The following PCDH9 variants were observed in gnomAD, a reference collection of about 807,000 sequenced individuals.
PCDH9 encodes the protein protocadherin-9.
A neutral mutation model predicts 70.6 loss-of-function variants in PCDH9; 24 were observed. The observed-to-expected ratio is 0.34, with a 90% CI of 0.25 to 0.48. The LOEUF is 0.48. PCDH9 is among the 20% of genes least tolerant of loss of function. The pLI is 0.99. For synonymous variants in PCDH9, 562 were observed against 558.5 expected, an observed-to-expected ratio of 1.01 and a Z score of -0.09; for missense variants, 1,281 against 1,503.6, an observed-to-expected ratio of 0.85 and a Z score of 2.45.
chr13:67,156,243 A>C (rs1441153015), intron 2 of PCDH9, among the ~76,000 whole-genome samples: 1 of 152,144 alleles, frequency 6.6e-6, no homozygotes, highest in Non-Finnish European at 1.5e-5. Flanking sequence ...AGACTCTAGC[A>C]AGGCAAAGAC....
intron 4 of PCDH9, among the ~76,000 whole-genome samples, chr13:66,493,934 T>G (rs1959073441): frequency 6.6e-6 from 1 of 152,070 alleles, no homozygotes; most frequent in African/African-American, 2.4e-5. Flanking sequence ...ATAAAATAAT[T>G]ATGACAATAT....
At chr13:66,885,478 A>G (rs926463831) in intron 3 of PCDH9, among the ~76,000 whole-genome samples, 1 of 152,216 alleles carries the variant, frequency 6.6e-6, no homozygotes, top group Non-Finnish European at 1.5e-5. Context: ...GTTATTCTGT[A>G]TTAAATGTAC....
At chr13:66,655,541 T>C (rs1005936800) in intron 3 of PCDH9, among the ~76,000 whole-genome samples, 2 of 152,056 alleles carry the variant, frequency 1.3e-5, no homozygotes, top group Non-Finnish European at 2.9e-5. Context: ...TAACTATATT[T>C]TTAAAATTAT....
intron 3 of PCDH9, among the ~76,000 whole-genome samples, chr13:66,642,208 T>G (rs554922100): frequency 6.6e-6 from 1 of 152,076 alleles, no homozygotes; most frequent in Non-Finnish European, 1.5e-5. Flanking sequence ...TTGTCAAACA[T>G]ATCTGAGATC....
intron 2 of PCDH9, among the ~76,000 whole-genome samples, chr13:67,085,292 A>G (rs1233501422): frequency 6.6e-6 from 1 of 151,862 alleles, no homozygotes; most frequent in Non-Finnish European, 1.5e-5. Context: ...TATAATCTCT[A>G]CAGGAAGCAA....
intron 2 of PCDH9, among the ~76,000 whole-genome samples, chr13:67,149,126 T>C (rs1751100796): frequency 1.3e-5 from 2 of 152,194 alleles, no homozygotes; most frequent in South Asian, 4.1e-4. Context: ...ATGCCAATGA[T>C]ATTGTAGGTC....
chr13:66,544,984 G>T (rs1961123305), intron 4 of PCDH9, among the ~76,000 whole-genome samples: 1 of 152,084 alleles, frequency 6.6e-6, no homozygotes, highest in Non-Finnish European at 1.5e-5. Context: ...TTTTATTCAG[G>T]CTGATCTAAT....
At chr13:66,345,574 G>T (rs1268815439) in intron 4 of PCDH9, among the ~76,000 whole-genome samples, 1 of 152,124 alleles carries the variant, frequency 6.6e-6, no homozygotes, top group Non-Finnish European at 1.5e-5. Flanking sequence ...GCGGCATGCT[G>T]ATTAATCAGT....
At chr13:66,327,948 C>T (rs1478102542) in intron 4 of PCDH9, among the ~76,000 whole-genome samples, 3 of 152,242 alleles carry the variant, frequency 2.0e-5, no homozygotes, top group Admixed American at 2.0e-4. Context: ...TCTCCACAAT[C>T]CTTGGGACTG....
intron 3 of PCDH9, among the ~76,000 whole-genome samples, chr13:66,781,421 T>C (rs1209049651): frequency 6.6e-6 from 1 of 152,116 alleles, no homozygotes; most frequent in African/African-American, 2.4e-5. Flanking sequence ...CAGATGGAAG[T>C]TCCTGAATGC....
intron 2 of PCDH9, among the ~76,000 whole-genome samples, chr13:67,130,619 C>T (rs984066512): frequency 6.6e-6 from 1 of 151,982 alleles, no homozygotes; most frequent in African/African-American, 2.4e-5. Flanking sequence ...TCTTGCTGGA[C>T]AGAGGTCCAA....
chr13:66,719,717 CAA>C (rs890376345), intron 3 of PCDH9, among the ~76,000 whole-genome samples: 8 of 152,150 alleles, frequency 5.3e-5, no homozygotes, highest in African/African-American at 1.9e-4. Flanking sequence ...ACGTTTGTAT[CAA>C]GTTTGTTTAA....
intron 3 of PCDH9, among the ~76,000 whole-genome samples, chr13:66,848,864 C>T (rs2081259722): frequency 7.1e-6 from 1 of 141,418 alleles, no homozygotes; most frequent in Non-Finnish European, 1.5e-5. Context: ...GGAGGCGGAG[C>T]TTGCAGTGAG....
chr13:66,986,792 T>G (rs2083899850), intron 2 of PCDH9, among the ~76,000 whole-genome samples: 1 of 151,980 alleles, frequency 6.6e-6, no homozygotes, highest in Non-Finnish European at 1.5e-5. Context: ...ACAAGATGAT[T>G]GTTTCATTTT....
At chr13:66,337,860 A>C (rs1956062825) in intron 4 of PCDH9, among the ~76,000 whole-genome samples, 1 of 152,094 alleles carries the variant, frequency 6.6e-6, no homozygotes, top group South Asian at 2.1e-4. Context: ...TGATGTTGGA[A>C]GACAAATCTG....
At chr13:67,000,868 T>C (rs1028149528) in intron 2 of PCDH9, among the ~76,000 whole-genome samples, 2 of 152,194 alleles carry the variant, frequency 1.3e-5, no homozygotes, top group Non-Finnish European at 2.9e-5. Flanking sequence ...TTTTCTTCTG[T>C]TTTAAAATAT....
intron 2 of PCDH9, among the ~76,000 whole-genome samples, chr13:66,921,084 T>C (rs1007432313): frequency 6.6e-6 from 1 of 151,148 alleles, no homozygotes; most frequent in African/African-American, 2.4e-5. Flanking sequence ...CTAAAATATA[T>C]ACTTAACCTC....
At chr13:67,146,947 C>T (rs527948112) in intron 2 of PCDH9, among the ~76,000 whole-genome samples, 2 of 152,098 alleles carry the variant, frequency 1.3e-5, no homozygotes, top group African/African-American at 2.4e-5. Context: ...ACTGTGATTC[C>T]GGCTTCCTTT....
rs1319255934 is a variant in PCDH9, at chr13:66,869,678, T to C, written c.3138+33826A>G. Among the ~76,000 whole-genome samples, 3 of 152,092 alleles carry C rather than the reference T, an allele frequency of 2.0e-5. No individual in the cohort carries two copies. In the East Asian group the frequency reaches 5.8e-4, roughly 29 times the overall value. On this transcript the variant is annotated intron_variant, in intron 3 of 4. Coordinates refer to ENST00000377865, the MANE Select transcript of PCDH9 (RefSeq NM_203487.3). The stretch of plus-strand genomic sequence containing the variant: ...TTGCTATAAAAGAACTGTTAAAAAA[T>C]TAGACTGGTGTTTTATTGCTGGTGA...
Sources: gnomAD v4.1 joint callset for allele counts (sites outside exome capture counted in the v4.1 genomes callset) on GRCh38, gnomAD v4.1.1 for gene constraint, MANE v1.5 for transcripts, NCBI Gene and HGNC (gene_info 2026-07-23, HGNC 2026-07-21) for gene names.